Variants in ROBO2 observed in about 807,000 individuals in gnomAD.
ROBO2 encodes the protein roundabout homolog 2.
A neutral mutation model predicts 160.8 loss-of-function variants in ROBO2; 53 were observed. That is an observed-to-expected ratio of 0.33 (90% CI 0.26 to 0.41). The LOEUF (loss-of-function observed/expected upper bound fraction) is 0.41, where lower values mean the gene tolerates loss of function less well. ROBO2 is among the 10% of genes least tolerant of loss of function. The pLI, the probability that ROBO2 is intolerant of heterozygous loss-of-function variation, is 1.00. For missense variants in ROBO2, 1,577 were observed against 1,722.4 expected (o/e 0.92, Z 1.49); for synonymous variants, 664 against 611.7 (o/e 1.09, Z -1.26).
intron 2 of ROBO2, among the ~76,000 whole-genome samples, chr3:76,791,593 G>A (rs897417902): frequency 6.6e-6 from 1 of 151,132 alleles, no homozygotes; most frequent in Non-Finnish European, 1.5e-5. Context: ...CCACAGGAGT[G>A]CTCTAATCAA....
At chr3:77,064,352 T>C (rs2066622733) in intron 1 of ROBO2, among the ~76,000 whole-genome samples, 1 of 137,908 alleles carries the variant, frequency 7.3e-6, no homozygotes, top group South Asian at 2.4e-4. Flanking sequence ...AAATTAATAC[T>C]TGGATGTATC....
Position 76,364,739 on chromosome 3 carries a change from T to G in ROBO2, c.109+427137T>G, listed in dbSNP as rs538268297. ...GAACAATAGTGACTATTCTGAGACCTGCACAGTAACTCTTTTCCTTGAGAA... is the reference window on the plus strand; with the variant it reads ...GAACAATAGTGACTATTCTGAGACCGGCACAGTAACTCTTTTCCTTGAGAA... On this transcript the variant is annotated intron_variant, in intron 2 of 26. Transcript: ENST00000487694. Among the ~76,000 whole-genome samples, 4 of 152,206 alleles carry G rather than the reference T, an allele frequency of 2.6e-5. No homozygotes were observed. In the South Asian group the frequency reaches 8.3e-4, roughly 31 times the overall value.
intron 2 of ROBO2, among the ~76,000 whole-genome samples, chr3:77,346,014 T>G (rs912185925): frequency 6.6e-6 from 1 of 152,158 alleles, no homozygotes; most frequent in Non-Finnish European, 1.5e-5. Context: ...TTCATTATTA[T>G]TGTGCTAATT....
rs79178479 is a variant in ROBO2 at position 76,690,205 on chromosome 3, G to A, written c.110-407809G>A. ...CTATAATTCCCTATGGACCAAGACT[G>A]CTAAGTAGATGCTCAATCATGGAGT... On this transcript the variant is annotated intron_variant, in intron 2 of 26. Coordinates refer to the ROBO2 transcript ENST00000487694. Among the ~76,000 whole-genome samples the A allele has an allele frequency of 1.7e-3, 264 of 152,226 alleles. 2 individuals are homozygous for A. Among genetic ancestry groups the A allele is most frequent in the African/African-American group, 6.0e-3 (248 of 41,552 alleles).
chr3:77,426,470 A>C (rs2078214486), intron 2 of ROBO2, among the ~76,000 whole-genome samples: 1 of 152,090 alleles, frequency 6.6e-6, no homozygotes. Flanking sequence ...TTAAGGTAAC[A>C]GATAAGGATT....
At chr3:76,431,448 T>A (rs2076433002) in intron 2 of ROBO2, among the ~76,000 whole-genome samples, 1 of 152,144 alleles carries the variant, frequency 6.6e-6, no homozygotes, top group Admixed American at 6.5e-5. Context: ...AAAGACACTA[T>A]AACATGTAGT....
chr3:76,209,474 G>A (rs1161863305), intron 2 of ROBO2, among the ~76,000 whole-genome samples: 1 of 152,000 alleles, frequency 6.6e-6, no homozygotes, highest in African/African-American at 2.4e-5. Flanking sequence ...TTATCTGTAT[G>A]GTATAGGATA....
rs1246277573 is a variant in ROBO2 at position 76,228,952 on chromosome 3, T to C, written c.109+291350T>C. On this transcript the variant is annotated intron_variant, in intron 2 of 26. Coordinates refer to the ROBO2 transcript ENST00000487694. ...GTTTGAGCCTAGGAGTTCAAGGCTG[T>C]AGTGAGAAGTGAGCTGTGATTGCAC... 2.6e-5 allele frequency among the ~76,000 whole-genome samples: 4 copies of C among 152,164 alleles called. No individual in the cohort carries two copies. The East Asian group carries it at 7.7e-4, about 29-fold the overall frequency.
At chr3:76,456,350 A>T (rs977558406) in intron 2 of ROBO2, among the ~76,000 whole-genome samples, 3 of 152,218 alleles carry the variant, frequency 2.0e-5, no homozygotes, top group Non-Finnish European at 2.9e-5. Flanking sequence ...TGTTCTAATT[A>T]TATCATCAAT....
At chr3:77,090,994 AT>A (rs1303729903) in intron 1 of ROBO2, among the ~76,000 whole-genome samples, 1 of 152,156 alleles carries the variant, frequency 6.6e-6, no homozygotes, top group Admixed American at 6.5e-5. Context: ...CAGCATAGAA[AT>A]TTTGCTGGAG....
At chr3:76,400,948 C>T (rs1003071228) in intron 2 of ROBO2, among the ~76,000 whole-genome samples, 24 of 151,566 alleles carry the variant, frequency 1.6e-4, no homozygotes, top group African/African-American at 4.8e-4. Context: ...GGAATAAGTA[C>T]ACATGTGGCA....
At chr3:77,070,163 C>T (rs1305804482) in intron 1 of ROBO2, among the ~76,000 whole-genome samples, 1 of 152,122 alleles carries the variant, frequency 6.6e-6, no homozygotes, top group Admixed American at 6.6e-5. Context: ...AGAGATTCTT[C>T]CTCCTGTTCA....
intron 2 of ROBO2, among the ~76,000 whole-genome samples, chr3:77,212,738 A>T (rs11706029): frequency 1.3e-5 from 2 of 152,028 alleles, no homozygotes; most frequent in African/African-American, 2.4e-5. Flanking sequence ...TATTATTTTG[A>T]GATACATCCC....
At chr3:76,534,994 A>G (rs2082416557) in intron 2 of ROBO2, among the ~76,000 whole-genome samples, 1 of 152,068 alleles carries the variant, frequency 6.6e-6, no homozygotes, top group Admixed American at 6.6e-5. Context: ...TGACCAAAGT[A>G]GTGTGGGCTT....
Position 76,653,931 on chromosome 3 carries a change from A to G in ROBO2, c.110-444083A>G, listed in dbSNP as rs139580969. The stretch of plus-strand genomic sequence containing the variant: ...ATCTCCTCTTACCTTTTTAATATGG[A>G]CATTTTTCACTCACCATAAATCTTT... On this transcript the variant is annotated intron_variant, in intron 2 of 26. Coordinates refer to the ROBO2 transcript ENST00000487694. Among the ~76,000 whole-genome samples, 411 of 152,250 alleles carry G rather than the reference A, an allele frequency of 2.7e-3. 2 individuals are homozygous for G. The highest frequency in any genetic ancestry group is 9.5e-3 in the African/African-American group (395 of 41,548).
At chr3:77,563,504 A>G (rs1234156671) in intron 11 of ROBO2, among the ~76,000 whole-genome samples, 175 bp downstream of exon 12, 1 of 152,134 alleles carries the variant, frequency 6.6e-6, no homozygotes, top group African/African-American at 2.4e-5. Flanking sequence ...TTAGTTTACA[A>G]CTTAATTATA....
At chr3:77,030,107 G>T (rs1189349598) in intron 2 of ROBO2, among the ~76,000 whole-genome samples, 1 of 151,970 alleles carries the variant, frequency 6.6e-6, no homozygotes, top group Non-Finnish European at 1.5e-5. Flanking sequence ...ACCACGCCCG[G>T]CTAATTTTCT....
intron 2 of ROBO2, among the ~76,000 whole-genome samples, chr3:77,289,639 C>A (rs1466618680): frequency 6.6e-6 from 1 of 151,120 alleles, no homozygotes; most frequent in East Asian, 2.0e-4. Flanking sequence ...GAGGCTAGAT[C>A]ACCAAAGACA....
chr3:76,637,388 A>ATTTC (rs1226164784), intron 2 of ROBO2, among the ~76,000 whole-genome samples: 5 of 151,352 alleles, frequency 3.3e-5, no homozygotes, highest in East Asian at 3.9e-4. Flanking sequence ...AAAGACCTGC[A>ATTTC]TTTCTTTCTT....
Sources: gnomAD v4.1 joint callset for allele counts (sites outside exome capture counted in the v4.1 genomes callset) on GRCh38, gnomAD v4.1.1 for gene constraint, MANE v1.5 for transcripts, NCBI Gene and HGNC (gene_info 2026-07-23, HGNC 2026-07-21) for gene names.